The following TAS2R4 variants were observed in gnomAD, a reference collection of about 807,000 sequenced individuals.
The protein encoded by TAS2R4 is taste receptor type 2 member 4.
Under a neutral mutation model 14.3 loss-of-function variants are expected in TAS2R4, and 18 were observed. That is an observed-to-expected ratio of 1.26 (90% confidence interval 0.87 to 1.86). The LOEUF is 1.86. TAS2R4 is among the 40% of genes most tolerant of loss of function. The pLI, the probability that TAS2R4 is intolerant of heterozygous loss-of-function variation, is 0.00. For synonymous variants in TAS2R4, 130 were observed against 138.5 expected, an observed-to-expected ratio of 0.94 and a Z score of 0.43; for missense variants, 306 against 342.7, an observed-to-expected ratio of 0.89 and a Z score of 0.85.
chr7:141,777,071 A>C lies in TAS2R4; in HGVS notation c.-1418A>C, dbSNP rs147037181. ...TAAATGTGATGTTAGTAATATTTCA[A>C]CTTCACCACTTTAATGCAGCCATCT... On this transcript the variant is annotated 5_prime_UTR_variant, in exon 1 of 1. Coordinates refer to ENST00000247881, the MANE Select transcript of TAS2R4 (RefSeq NM_016944.2). Among the ~76,000 whole-genome samples, 1 of 152,174 alleles carries C rather than the reference A, an allele frequency of 6.6e-6. No individual in the cohort carries two copies. Among genetic ancestry groups the C allele is most frequent in the African/African-American group, 2.4e-5 (1 of 41,436 alleles).
chr7:141,778,357 C>T lies in TAS2R4; in HGVS notation c.-132C>T. On this transcript the variant is annotated 5_prime_UTR_variant, in exon 1 of 1. Transcript: ENST00000247881. The stretch of plus-strand genomic sequence containing the variant: ...AGGTGGCCCTTGATCATGAATGGCT[C>T]ATTTGCCATGCTGGGAAAAATTAAA... 8 of 798,966 alleles carry T rather than the reference C, an allele frequency of 1.0e-5. No homozygotes were observed. Among genetic ancestry groups the T allele is most frequent in the South Asian group, 3.8e-5 (2 of 53,018 alleles). 49.5% of individuals were successfully genotyped at this position (798,966 alleles called of 1,614,324 possible). A position where few individuals can be genotyped will look rare whatever the true frequency, so the allele number is the denominator to read the frequency against.
rs1800258056 is a variant in TAS2R4 at position 141,777,494 on chromosome 7, T to TA, written c.-994dup. Among the ~76,000 whole-genome samples, 1 of 152,182 alleles carries TA rather than the reference T, an allele frequency of 6.6e-6. No homozygotes were observed. The highest frequency in any genetic ancestry group is 1.5e-5 in the Non-Finnish European group (1 of 68,026). ...GAGAAGATAAGAGATGCCATACTCT[T>TA]ACATTCACCTATGGGCCTCCATAAT... On this transcript the variant is annotated 5_prime_UTR_variant, in exon 1 of 1. The change creates a premature stop within an existing upstream ORF in the 5' untranslated region. Coordinates refer to ENST00000247881, the MANE Select transcript of TAS2R4 (RefSeq NM_016944.2).
Position 141,781,505 on chromosome 7 carries a change from TAGTC to T in TAS2R4, c.*2119_*2122del, listed in dbSNP as rs147382196. On this transcript the variant is annotated 3_prime_UTR_variant, in exon 1 of 1. Coordinates refer to ENST00000247881, the MANE Select transcript of TAS2R4 (RefSeq NM_016944.2). Reference sequence around the variant, plus strand: ...AAATAGTATGTATTTACCATCTTATTAGTCAAAGAACCTTTTTATATGACCTACT... The same window carrying T: ...AAATAGTATGTATTTACCATCTTATTAAAGAACCTTTTTATATGACCTACT... Among the ~76,000 whole-genome samples the T allele has an allele frequency of 0.012, 1,781 of 152,296 alleles. 64 individuals are homozygous for T. In the South Asian group the frequency reaches 0.15, roughly 13 times the overall value.
In TAS2R4 at chr7:141,776,761, A is replaced by G. The variant is rs1347608512; in HGVS notation, c.-1728A>G. On this transcript the variant is annotated 5_prime_UTR_variant, in exon 1 of 1. Coordinates refer to ENST00000247881, the MANE Select transcript of TAS2R4 (RefSeq NM_016944.2). ...TATCATCATGATAAGGAAAACAGCT[A>G]GGAAGTTTAACCATAGGTCAAATTC... is the stretch of plus-strand genomic sequence containing the variant. 1.3e-5 allele frequency among the ~76,000 whole-genome samples: 2 copies of G among 152,118 alleles called. No individual in the cohort carries two copies. Among genetic ancestry groups the G allele is most frequent in the African/African-American group, 4.8e-5 (2 of 41,416 alleles).
rs200560411 is a variant in TAS2R4 at position 141,778,974 on chromosome 7, G to A, written c.486G>A (p.Thr162=). ...QASPFPELVT[T]RNNTSFNISE... is the part of the protein sequence containing the mutation. ...CACCTTTTCCTGAACTTGTGACTAC[G>A]AGAAATAACACATCATTTAATATCA... The change falls in exon 1 of 1, where the codon ACG becomes ACA. Residue 162 remains threonine (T), a synonymous_variant. Coordinates refer to ENST00000247881, the MANE Select transcript of TAS2R4 (RefSeq NM_016944.2). The A allele has an allele frequency of 9.4e-5, 152 of 1,613,976 alleles. No homozygotes were observed. The highest frequency in any genetic ancestry group is 8.3e-5 in the Admixed American group (5 of 59,994).
At position 141,778,497 on chromosome 7, in the gene TAS2R4, G is replaced by A. The variant is rs2233996; in HGVS notation, c.9G>A (p.Arg3=). The A allele has an allele frequency of 3.7e-6, 6 of 1,610,092 alleles. No homozygotes were observed. The highest frequency in any genetic ancestry group is 4.2e-6 in the Non-Finnish European group (5 of 1,178,162). Reference sequence around the variant, plus strand: ...ATCCTCAATGAGTAAAGATGCTTCGGTTATTCTATTTCTCTGCTATTATTG... The same window carrying A: ...ATCCTCAATGAGTAAAGATGCTTCGATTATTCTATTTCTCTGCTATTATTG... ML[R]LFYFSAIIAS... The change falls in exon 1 of 1, where the codon CGG becomes CGA. Residue 3 remains arginine, a synonymous_variant. Transcript: ENST00000247881.
In TAS2R4 at chr7:141,779,484, G is replaced by A. The variant is rs562681600; in HGVS notation, c.*96G>A. On this transcript the variant is annotated 3_prime_UTR_variant, in exon 1 of 1. Coordinates refer to ENST00000247881, the MANE Select transcript of TAS2R4 (RefSeq NM_016944.2). The stretch of plus-strand genomic sequence containing the variant: ...CCAGTGATCTGGGGAATTCAGTTTT[G>A]TGATTGCTGATCTGACATCATAGGC... 2 of 1,238,024 alleles carry A rather than the reference G, an allele frequency of 1.6e-6. No homozygotes were observed. The highest frequency in any genetic ancestry group is 2.5e-5 in the East Asian group (1 of 40,242). 76.7% of individuals were successfully genotyped at this position (1,238,024 alleles called of 1,614,324 possible).
At position 141,781,656 on chromosome 7, in the gene TAS2R4, G is replaced by T. The variant is rs765599149; in HGVS notation, c.*2268G>T. Among the ~76,000 whole-genome samples, 1 of 151,952 alleles carries T rather than the reference G, an allele frequency of 6.6e-6. No homozygotes were observed. Among genetic ancestry groups the T allele is most frequent in the Non-Finnish European group, 1.5e-5 (1 of 67,962 alleles). On this transcript the variant is annotated 3_prime_UTR_variant, in exon 1 of 1. Transcript: ENST00000247881. ...AAAATGTAAACAGTAATTATTTTAG[G>T]TGGGAGGAATCAATAAATTTTTTTG... is the stretch of plus-strand genomic sequence containing the variant.
chr7:141,779,501 AT>A lies in TAS2R4; in HGVS notation c.*114del. ...TCAGTTTTGTGATTGCTGATCTGAC[AT>A]CATAGGCTTTTGAGTGCCTGAATTT... On this transcript the variant is annotated 3_prime_UTR_variant, in exon 1 of 1. Coordinates refer to ENST00000247881, the MANE Select transcript of TAS2R4 (RefSeq NM_016944.2). 1 of 1,069,262 alleles carries A rather than the reference AT, an allele frequency of 9.4e-7. No individual in the cohort carries two copies. The highest frequency in any genetic ancestry group is 1.3e-6 in the Non-Finnish European group (1 of 780,058). The allele number at this position is 1,069,262 out of a possible 1,614,324, so 66.2% of individuals were successfully genotyped here.
In TAS2R4 at chr7:141,780,199, C is replaced by G. The variant is rs866422898; in HGVS notation, c.*811C>G. ...CTCCAGTCTGGGCGACAGAGCAAGA[C>G]TCTGTCTCAAAAAAAGAAATAGACG... is the stretch of plus-strand genomic sequence containing the variant. On this transcript the variant is annotated 3_prime_UTR_variant, in exon 1 of 1. Transcript: ENST00000247881. The G allele has an allele frequency of 6.6e-6, 1 of 152,268 alleles. No individual in the cohort carries two copies. Among genetic ancestry groups the G allele is most frequent in the Non-Finnish European group, 1.5e-5 (1 of 68,204 alleles). 9.4% of individuals were successfully genotyped at this position (152,268 alleles called of 1,614,324 possible). A position where few individuals can be genotyped will look rare whatever the true frequency, so the allele number is the denominator to read the frequency against.
chr7:141,777,494 T>G lies in TAS2R4; in HGVS notation c.-995T>G, dbSNP rs1421831965. 1.3e-5 allele frequency among the ~76,000 whole-genome samples: 2 copies of G among 152,182 alleles called. No individual in the cohort carries two copies. Among genetic ancestry groups the G allele is most frequent in the East Asian group, 3.9e-4 (2 of 5,194 alleles). Reference sequence around the variant, plus strand: ...GAGAAGATAAGAGATGCCATACTCTTACATTCACCTATGGGCCTCCATAAT... The same window carrying G: ...GAGAAGATAAGAGATGCCATACTCTGACATTCACCTATGGGCCTCCATAAT... On this transcript the variant is annotated 5_prime_UTR_variant, in exon 1 of 1. Coordinates refer to ENST00000247881, the MANE Select transcript of TAS2R4 (RefSeq NM_016944.2).
chr7:141,778,548 A>C lies in TAS2R4; in HGVS notation c.60A>C (p.Gly20=), dbSNP rs1302929074. ...CCTCAGTTATTTTAAATTTTGTAGG[A>C]ATCATTATGAATCTGTTTATTACAG... ...IIASVILNFV[G]IIMNLFITVV... is the part of the protein sequence containing the mutation. Residue 20 remains glycine (G), a synonymous_variant, in exon 1 of 1, where the codon GGA becomes GGC. Transcript: ENST00000247881. 2 of 1,613,996 alleles carry C rather than the reference A, an allele frequency of 1.2e-6. No individual in the cohort carries two copies. The highest frequency in any genetic ancestry group is 1.7e-6 in the Non-Finnish European group (2 of 1,179,982).
Position 141,778,593 on chromosome 7 carries a change from G to A in TAS2R4, c.105G>A (p.Trp35Ter). The change falls in exon 1 of 1, where the codon TGG (tryptophan) becomes TGA (stop). Residue 35 changes from tryptophan to a stop codon, truncating the protein, a stop_gained. Coordinates refer to ENST00000247881, the MANE Select transcript of TAS2R4 (RefSeq NM_016944.2). LOFTEE classifies it high-confidence loss of function. ...LFITVVNCKT[W>*]VKSHRISSSD... ...TTACAGTGGTCAATTGCAAAACTTGGGTCAAAAGCCATAGAATCTCCTCTT... is the reference window on the plus strand; with the variant it reads ...TTACAGTGGTCAATTGCAAAACTTGAGTCAAAAGCCATAGAATCTCCTCTT... 1 of 1,614,090 alleles carries A rather than the reference G, an allele frequency of 6.2e-7. No homozygotes were observed. The highest frequency in any genetic ancestry group is 8.5e-7 in the Non-Finnish European group (1 of 1,180,026).
chr7:141,778,925 T>G lies in TAS2R4; in HGVS notation c.437T>G (p.Leu146Arg). The G allele has an allele frequency of 6.2e-7, 1 of 1,614,240 alleles. No homozygotes were observed. The highest frequency in any genetic ancestry group is 1.1e-5 in the South Asian group (1 of 91,086). Residue 146 changes from leucine to arginine, a missense_variant, in exon 1 of 1, where the codon CTG becomes CGG. Leu to Arg is a moderately radical substitution (Grantham distance 102). Transcript: ENST00000247881. ...CVLISAFTTC[L>R]YITLSQASPF... ...CTGATTTCTGCTTTCACCACTTGCC[T>G]GTACATCACGCTTAGCCAGGCATCA...
chr7:141,778,557 G>C lies in TAS2R4; in HGVS notation c.69G>C (p.Met23Ile), dbSNP rs1800275289. Residue 23 changes from methionine to isoleucine, a missense_variant, in exon 1 of 1, where the codon ATG becomes ATC. Met to Ile is a conservative substitution (Grantham distance 10, BLOSUM62 1). Transcript: ENST00000247881. ...SVILNFVGII[M>I]NLFITVVNCK... ...TTTTAAATTTTGTAGGAATCATTAT[G>C]AATCTGTTTATTACAGTGGTCAATT... 6.2e-7 allele frequency: 1 copy of C among 1,613,944 alleles called. No individual in the cohort carries two copies. The highest frequency in any genetic ancestry group is 8.5e-7 in the Non-Finnish European group (1 of 1,180,016).
rs185916383 is a variant in TAS2R4 at position 141,780,715 on chromosome 7, A to G, written c.*1327A>G. 89 of 152,298 alleles carry G rather than the reference A, an allele frequency of 5.8e-4. No homozygotes were observed. The highest frequency in any genetic ancestry group is 9.6e-4 in the Non-Finnish European group (65 of 68,020). 9.4% of individuals were successfully genotyped at this position (152,298 alleles called of 1,614,324 possible). Reference sequence around the variant, plus strand: ...GATGTTGACAAGTTTTGGAATGTCAATTGGGGAATCATAATTTGTATTTAT... The same window carrying G: ...GATGTTGACAAGTTTTGGAATGTCAGTTGGGGAATCATAATTTGTATTTAT... On this transcript the variant is annotated 3_prime_UTR_variant, in exon 1 of 1. Coordinates refer to ENST00000247881, the MANE Select transcript of TAS2R4 (RefSeq NM_016944.2).
At position 141,778,305 on chromosome 7, in the gene TAS2R4, T is replaced by G. The variant is rs1800269421; in HGVS notation, c.-184T>G. 3.4e-6 allele frequency: 2 copies of G among 593,870 alleles called. No individual in the cohort carries two copies. Among genetic ancestry groups the G allele is most frequent in the East Asian group, 2.8e-5 (1 of 35,440 alleles). The allele number at this position is 593,870 out of a possible 1,614,324, so 36.8% of individuals were successfully genotyped here. A position where few individuals can be genotyped will look rare whatever the true frequency, so the allele number is the denominator to read the frequency against. ...TAATGAAGAAATAGTAATGTAATCC[T>G]TGGAAGATTTGCATCTCAGTAAAAT... On this transcript the variant is annotated 5_prime_UTR_variant, in exon 1 of 1. Coordinates refer to ENST00000247881, the MANE Select transcript of TAS2R4 (RefSeq NM_016944.2).
Position 141,779,244 on chromosome 7 carries a change from C to T in TAS2R4, c.756C>T (p.Pro252=). The T allele has an allele frequency of 4.3e-6, 7 of 1,614,210 alleles. No homozygotes were observed. Among genetic ancestry groups the T allele is most frequent in the Non-Finnish European group, 5.9e-6 (7 of 1,180,042 alleles). ...YSVATLVQYL[P]FYAGMDMGTK... ...TTGCTACCCTGGTCCAGTATCTCCC[C>T]TTTTATGCAGGGATGGATATGGGGA... The change falls in exon 1 of 1, where the codon CCC becomes CCT. Residue 252 remains proline (P), a synonymous_variant. Transcript: ENST00000247881.
chr7:141,778,891 G>C lies in TAS2R4; in HGVS notation c.403G>C (p.Ala135Pro), dbSNP rs142313979. The C allele has an allele frequency of 1.6e-3, 2,649 of 1,614,192 alleles. 3 individuals are homozygous for C. Among genetic ancestry groups the C allele is most frequent in the Middle Eastern group, 3.6e-3 (22 of 6,062 alleles). The change falls in exon 1 of 1, where the codon GCC (alanine) becomes CCC (proline). Residue 135 changes from alanine to proline, a missense_variant. By Grantham distance (27) the Ala-to-Pro change is conservative. Transcript: ENST00000247881. ...CCCAAAGATCCCCAGGCTGCTGCTG[G>C]CCTGTGTGCTGATTTCTGCTTTCAC... ...ISPKIPRLLL[A>P]CVLISAFTTC...
Sources: gnomAD v4.1 joint callset for allele counts (sites outside exome capture counted in the v4.1 genomes callset) on GRCh38, gnomAD v4.1.1 for gene constraint, MANE v1.5 for transcripts, NCBI Gene and HGNC (gene_info 2026-07-23, HGNC 2026-07-21) for gene names.